RYR2: variants seen among roughly 807,000 people sequenced by gnomAD.
RYR2 encodes ryanodine receptor 2.
A neutral mutation model predicts 601.1 loss-of-function variants in RYR2; 227 were observed. The ratio of observed to expected loss-of-function variants is 0.38; its 90% CI spans 0.34 to 0.42. The LOEUF (loss-of-function observed/expected upper bound fraction) is 0.42. Among genes scored for constraint, RYR2 ranks in the 10% least tolerant of loss-of-function variants. The pLI is 1.00. For missense variants in RYR2, 4,646 were observed against 6,156.5 expected, an observed-to-expected ratio of 0.75 and a Z score of 8.21; for synonymous variants, 2,223 against 2,175.1, an observed-to-expected ratio of 1.02 and a Z score of -0.61.
chr1:237,221,356 G>A (rs1235637286), intron 1 of RYR2, among the ~76,000 whole-genome samples: 1 of 152,136 alleles, frequency 6.6e-6, no homozygotes, highest in Admixed American at 6.5e-5. Context: ...TCAGCTGGAT[G>A]CTTTAACTTA....
At chr1:237,059,447 C>T (rs1662578176) in intron 1 of RYR2, among the ~76,000 whole-genome samples, 1 of 152,098 alleles carries the variant, frequency 6.6e-6, no homozygotes, top group African/African-American at 2.4e-5. Context: ...CTCTGCATAA[C>T]TTAGCAGTAC....
intron 18 of RYR2, among the ~76,000 whole-genome samples, chr1:237,492,129 T>A (rs1572570630): frequency 6.6e-6 from 1 of 151,910 alleles, no homozygotes; most frequent in Non-Finnish European, 1.5e-5. Context: ...GCCTCTAGGG[T>A]TCAAGCATTC....
At chr1:237,794,466 C>T (rs780801771) in intron 95 of RYR2, among the ~76,000 whole-genome samples, 1 of 152,266 alleles carries the variant, frequency 6.6e-6, no homozygotes, top group Non-Finnish European at 1.5e-5. Flanking sequence ...AATATTAGGA[C>T]ACGGTGTAAA....
chr1:237,352,674 T>C (rs747497523), intron 3 of RYR2, among the ~76,000 whole-genome samples: 14 of 152,190 alleles, frequency 9.2e-5, no homozygotes, highest in Non-Finnish European at 1.9e-4. Flanking sequence ...AGTCTTTGAC[T>C]CCTGGATATC....
intron 1 of RYR2, among the ~76,000 whole-genome samples, chr1:237,179,292 G>T (rs1161574152): frequency 6.6e-6 from 1 of 151,198 alleles, no homozygotes; most frequent in Non-Finnish European, 1.5e-5. Context: ...ACCATGATCT[G>T]CTGATAAGGC....
chr1:237,153,995 A>G (rs2148825627), intron 1 of RYR2, among the ~76,000 whole-genome samples: 1 of 152,302 alleles, frequency 6.6e-6, no homozygotes, highest in Non-Finnish European at 1.5e-5. Context: ...GACCTTGGGA[A>G]GCAGCTTTGT....
chr1:237,293,250 A>G (rs561866966), intron 2 of RYR2, among the ~76,000 whole-genome samples: 6 of 152,272 alleles, frequency 3.9e-5, no homozygotes, highest in African/African-American at 1.4e-4. Context: ...TCTGTTGCCC[A>G]TGATGGAGTG....
chr1:237,436,887 T>C (rs1224139032), intron 12 of RYR2, among the ~76,000 whole-genome samples: 2 of 150,118 alleles, frequency 1.3e-5, no homozygotes, highest in Non-Finnish European at 1.5e-5. Flanking sequence ...AGTATGTATA[T>C]ATCACTTAGT....
chr1:237,291,279 G>A (rs190508167), intron 2 of RYR2, among the ~76,000 whole-genome samples: 2 of 152,094 alleles, frequency 1.3e-5, no homozygotes, highest in African/African-American at 4.8e-5. Flanking sequence ...CCAAAACTCA[G>A]ACAACAACCA....
At chr1:237,509,246 T>C (rs1665632556) in intron 23 of RYR2, among the ~76,000 whole-genome samples, 1 of 152,162 alleles carries the variant, frequency 6.6e-6, no homozygotes, top group Non-Finnish European at 1.5e-5. Context: ...TCTCATCTAA[T>C]GTATGATTTG....
chr1:237,063,711 T>A (rs746703155), intron 1 of RYR2, among the ~76,000 whole-genome samples: 2 of 152,188 alleles, frequency 1.3e-5, no homozygotes, highest in Non-Finnish European at 2.9e-5. Context: ...CTTTCCGTTG[T>A]CCTGCTTGCC....
chr1:237,630,625 A>G (rs1680146729), intron 41 of RYR2, among the ~76,000 whole-genome samples: 2 of 152,156 alleles, frequency 1.3e-5, no homozygotes, highest in Admixed American at 6.5e-5. Flanking sequence ...AGATCTAACA[A>G]GAAAATGTTT....
chr1:237,257,672 A>G (rs1558509575), intron 1 of RYR2, among the ~76,000 whole-genome samples: 2 of 152,196 alleles, frequency 1.3e-5, no homozygotes, highest in African/African-American at 4.8e-5. Flanking sequence ...TCCAGAAGAC[A>G]GTGAGCAAGG....
intron 80 of RYR2, among the ~76,000 whole-genome samples, chr1:237,754,549 C>A (rs1415193546): frequency 6.6e-6 from 1 of 152,166 alleles, no homozygotes; most frequent in Non-Finnish European, 1.5e-5. Flanking sequence ...TCCTGACTCC[C>A]TTGCCTCTTT....
chr1:237,560,121 C>T (rs1481844899), intron 27 of RYR2, among the ~76,000 whole-genome samples: 1 of 152,232 alleles, frequency 6.6e-6, no homozygotes, highest in Non-Finnish European at 1.5e-5. Flanking sequence ...TAAGCTTTCT[C>T]AGGTTTTTCC....
intron 88 of RYR2, among the ~76,000 whole-genome samples, chr1:237,780,940 A>AAGAT (rs1187885026): frequency 2.0e-5 from 3 of 152,240 alleles, no homozygotes; most frequent in Admixed American, 6.5e-5. Context: ...AATAAAAGAT[A>AAGAT]AGATAGATGT....
intron 1 of RYR2, among the ~76,000 whole-genome samples, chr1:237,084,118 A>G (rs376415199): frequency 6.6e-6 from 1 of 151,990 alleles, no homozygotes; most frequent in Non-Finnish European, 1.5e-5. Context: ...CCCACATTCC[A>G]TTCTCCTCTT....
At chr1:237,384,143 G>C (rs74147252) in intron 8 of RYR2, among the ~76,000 whole-genome samples, 2 of 152,180 alleles carry the variant, frequency 1.3e-5, no homozygotes, top group Non-Finnish European at 2.9e-5. Context: ...CTTATTTAGA[G>C]AACTTTATAT....
chr1:237,278,245 A>ATT (rs71561863), intron 2 of RYR2, among the ~76,000 whole-genome samples: 1,060 of 67,032 alleles, frequency 0.016, 161 homozygotes, highest in South Asian at 0.026. Flanking sequence ...TAATTTTTGT[A>ATT]TTTTTTTTTT....
Sources: allele counts gnomAD v4.1 joint callset (sites outside exome capture counted in the v4.1 genomes callset), GRCh38; gene constraint gnomAD v4.1.1; transcripts MANE v1.5; gene names NCBI Gene and HGNC (gene_info 2026-07-23, HGNC 2026-07-21).